Variants in NPM2 observed in about 807,000 individuals in gnomAD.
The protein encoded by NPM2 is nucleophosmin/nucleoplasmin 2.
Under a neutral mutation model 32.0 loss-of-function variants are expected in NPM2, and 25 were observed. The ratio of observed to expected loss-of-function variants is 0.78; its 90% confidence interval spans 0.57 to 1.09. The LOEUF is 1.09. NPM2 is among the 50% of genes least tolerant of loss of function. NPM2 has a pLI of 0.00. For missense variants in NPM2, 282 were observed against 259.9 expected (o/e 1.08, Z -0.58); for synonymous variants, 111 against 94.2 (o/e 1.18, Z -1.04).
At chr8:22,028,518 C>T (rs947111327) in intron 5 of NPM2, among the ~76,000 whole-genome samples, 4 of 145,222 alleles carry the variant, frequency 2.8e-5, no homozygotes, top group South Asian at 4.4e-4. Flanking sequence ...TTAGTAGAGA[C>T]GGGGTTTCAC....
intron 5 of NPM2, among the ~76,000 whole-genome samples, chr8:22,027,314 CT>C (rs1251834875): frequency 2.6e-5 from 4 of 152,162 alleles, no homozygotes; most frequent in African/African-American, 9.7e-5. Context: ...TGCCCTCAGA[CT>C]TTCCTGTTCT....
At chr8:22,030,634 T>G (rs1198402391) in intron 5 of NPM2, among the ~76,000 whole-genome samples, 1 of 152,096 alleles carries the variant, frequency 6.6e-6, no homozygotes, top group East Asian at 1.9e-4. Context: ...ACTTTTATAT[T>G]TACTTGGTTT....
intron 5 of NPM2, among the ~76,000 whole-genome samples, chr8:22,026,010 G>A (rs1420990321): frequency 6.6e-6 from 1 of 152,120 alleles, no homozygotes; most frequent in Non-Finnish European, 1.5e-5. Flanking sequence ...CCCAACTGCC[G>A]GGTCAAGGAC....
intron 8 of NPM2, among the ~76,000 whole-genome samples, chr8:22,035,297 A>G (rs191660860): frequency 1.4e-4 from 22 of 152,218 alleles, no homozygotes; most frequent in African/African-American, 5.3e-4. Context: ...TTAATGAGAC[A>G]GGGTTTTGCT....
chr8:22,030,525 C>A (rs1339407594), intron 5 of NPM2, among the ~76,000 whole-genome samples: 2 of 152,302 alleles, frequency 1.3e-5, no homozygotes, highest in South Asian at 4.2e-4. Context: ...TAGGTGTGAG[C>A]CACCATGCCC....
intron 5 of NPM2, among the ~76,000 whole-genome samples, chr8:22,028,014 C>G (rs372661905): frequency 7.2e-5 from 11 of 152,208 alleles, no homozygotes; most frequent in Non-Finnish European, 1.3e-4. Flanking sequence ...CCTGCTACCC[C>G]TGGTACAGGT....
chr8:22,034,242 G>T lies in NPM2; in HGVS notation c.498G>T (p.Arg166Ser), dbSNP rs374392126. The T allele has an allele frequency of 2.5e-6, 4 of 1,605,180 alleles. No individual in the cohort carries two copies. Among genetic ancestry groups the T allele is most frequent in the Non-Finnish European group, 2.6e-6 (3 of 1,175,916 alleles). The change falls in exon 7 of 10, where the codon AGG (arginine) becomes AGT (serine). Residue 166 changes from arginine to serine, a missense_variant. Arg to Ser is a moderately radical substitution (Grantham distance 110). Coordinates refer to ENST00000518119, the MANE Select transcript of NPM2 (RefSeq NM_001286680.2). ...AAAGCCCTGTCAAACAAGTCAAAAG[G>T]CTGGTGCCCCAGAAGCAGGCGAGCG... ...EEQSPVKQVK[R>S]LVPQKQASVA...
chr8:22,028,919 C>G (rs1275110778), intron 5 of NPM2, among the ~76,000 whole-genome samples: 1 of 152,076 alleles, frequency 6.6e-6, no homozygotes, highest in African/African-American at 2.4e-5. Context: ...CTTTGTACCC[C>G]TACTTTCCTT....
rs1800226852 is a variant in NPM2 at position 22,025,745 on chromosome 8, C to G, written c.243C>G (p.Ala81=). ...EDKKMQPVTI[A]SLQASVLPMV... Reference sequence around the variant, plus strand: ...AGAAGATGCAGCCGGTCACCATTGCCTCACTCCAGGCCTCAGTCCTCCCCA... The same window carrying G: ...AGAAGATGCAGCCGGTCACCATTGCGTCACTCCAGGCCTCAGTCCTCCCCA... Residue 81 remains alanine, a synonymous_variant, in exon 5 of 10, where the codon GCC becomes GCG. Coordinates refer to ENST00000518119, the MANE Select transcript of NPM2 (RefSeq NM_001286680.2). 3 of 1,614,156 alleles carry G rather than the reference C, an allele frequency of 1.9e-6. No individual in the cohort carries two copies. The highest frequency in any genetic ancestry group is 2.5e-6 in the Non-Finnish European group (3 of 1,180,022).
intron 5 of NPM2, among the ~76,000 whole-genome samples, chr8:22,027,033 A>G (rs11776272): frequency 0.27 from 40,891 of 152,184 alleles, 6,217 homozygotes; most frequent in Middle Eastern, 0.37. Context: ...GTGGTAAATT[A>G]TATGAAGATA....
chr8:22,024,704 C>T lies in NPM2; in HGVS notation c.-140-20C>T, dbSNP rs1341628860. 2 of 152,560 alleles carry T rather than the reference C, an allele frequency of 1.3e-5. No homozygotes were observed. The highest frequency in any genetic ancestry group is 1.9e-4 in the East Asian group (1 of 5,196). The allele number at this position is 152,560 out of a possible 1,614,324, so 9.5% of individuals were successfully genotyped here. ...CGGCTTCTTTGCGACTAATTGGACA[C>T]CTGCCCTTCCCCTTCCCAGGCTTCT... On this transcript the variant is annotated intron_variant, in intron 1 of 9. Transcript: ENST00000518119.
chr8:22,024,150 C>A lies in NPM2; in HGVS notation c.-614C>A. ...GTGCTCCTCAGTGTGCTCCCCGCCC[C>A]CTGCCGCGGCGCCTCGCCTCCCGGC... is the stretch of plus-strand genomic sequence containing the variant. On this transcript the variant is annotated 5_prime_UTR_variant, in exon 1 of 10. Coordinates refer to ENST00000518119, the MANE Select transcript of NPM2 (RefSeq NM_001286680.2). 6.5e-6 allele frequency: 1 copy of A among 152,942 alleles called. No individual in the cohort carries two copies. Among genetic ancestry groups the A allele is most frequent in the South Asian group, 1.9e-4 (1 of 5,178 alleles). 9.5% of individuals were successfully genotyped at this position (152,942 alleles called of 1,614,324 possible). A position where few individuals can be genotyped will look rare whatever the true frequency, so the allele number is the denominator to read the frequency against.
intron 5 of NPM2, 23 bp downstream of exon 5, chr8:22,025,795 G>T: frequency 6.2e-7 from 1 of 1,613,496 alleles, no homozygotes. Context: ...CTGCTGGCTG[G>T]AAGACTGCTG....
rs954555929 is a variant in NPM2 at position 22,033,011 on chromosome 8, G to A, written c.271-119G>A. Reference sequence around the variant, plus strand: ...TCTTGGACAGAATCCACCTCAGCAGGGGCTGAGTAGTGTGTAGGGTTTGGG... The same window carrying A: ...TCTTGGACAGAATCCACCTCAGCAGAGGCTGAGTAGTGTGTAGGGTTTGGG... On this transcript the variant is annotated intron_variant, in intron 5 of 9. Transcript: ENST00000518119. 4.1e-6 allele frequency: 3 copies of A among 731,464 alleles called. No individual in the cohort carries two copies. In the African/African-American group the frequency reaches 5.2e-5, roughly 13 times the overall value. The allele number at this position is 731,464 out of a possible 1,614,324, so 45.3% of individuals were successfully genotyped here.
intron 7 of NPM2, 83 bp from the exon 8 acceptor site, chr8:22,034,427 C>T (rs373299101): frequency 7.0e-7 from 1 of 1,418,654 alleles, no homozygotes; most frequent in South Asian, 1.2e-5. Flanking sequence ...AGGAGCTCAG[C>T]GGGGACCTTG....
intron 6 of NPM2, 151 bp downstream of exon 6, chr8:22,033,374 G>T (rs548762873): frequency 3.0e-6 from 2 of 677,922 alleles, no homozygotes; most frequent in South Asian, 3.5e-5. Flanking sequence ...GGACTGGAAG[G>T]CAAGGGCGCT....
chr8:22,035,528 C>A (rs1232422985), intron 8 of NPM2, among the ~76,000 whole-genome samples: 1 of 152,200 alleles, frequency 6.6e-6, no homozygotes, highest in Non-Finnish European at 1.5e-5. Flanking sequence ...CCTGCCTCAG[C>A]CTCCCAAAGC....
rs1386319002 is a variant in NPM2, at chr8:22,034,030, C to A, written c.365-79C>A. Reference sequence around the variant, plus strand: ...CTCCAGGGCAGTGCTTGGAGCAACACGGATCACAGAATGGGAGGTGGGCAT... The same window carrying A: ...CTCCAGGGCAGTGCTTGGAGCAACAAGGATCACAGAATGGGAGGTGGGCAT... On this transcript the variant is annotated intron_variant, in intron 6 of 9. Coordinates refer to ENST00000518119, the MANE Select transcript of NPM2 (RefSeq NM_001286680.2). 2.6e-6 allele frequency: 4 copies of A among 1,526,828 alleles called. No individual in the cohort carries two copies. In the African/African-American group the frequency reaches 4.2e-5, roughly 16 times the overall value. The allele number at this position is 1,526,828 out of a possible 1,614,324, so 94.6% of individuals were successfully genotyped here. A position where few individuals can be genotyped will look rare whatever the true frequency, so the allele number is the denominator to read the frequency against.
intron 5 of NPM2, among the ~76,000 whole-genome samples, chr8:22,027,013 T>C (rs768203802): frequency 1.3e-5 from 2 of 152,254 alleles, no homozygotes; most frequent in Admixed American, 6.5e-5. Context: ...TTCTAGGTTC[T>C]TTAGTCCACG....
Sources: gnomAD v4.1 joint callset for allele counts (sites outside exome capture counted in the v4.1 genomes callset) on GRCh38, gnomAD v4.1.1 for gene constraint, MANE v1.5 for transcripts, NCBI Gene and HGNC (gene_info 2026-07-23, HGNC 2026-07-21) for gene names.